LSM8: variants seen among roughly 807,000 people sequenced by gnomAD.
LSM8 encodes the protein LSM8 homolog, U6 small nuclear RNA associated, also known as LSM8 U6 small nuclear RNA associated.
A neutral mutation model predicts 15.0 loss-of-function variants in LSM8; 14 were observed. That is an observed-to-expected ratio of 0.93 (90% CI 0.62 to 1.46). LSM8 has a LOEUF of 1.46. LSM8 is among the 40% of genes most tolerant of loss of function. The pLI is 0.00. For synonymous variants in LSM8, 50 were observed against 42.1 expected (o/e 1.19, Z -0.73); for missense variants, 90 against 115.4 (o/e 0.78, Z 1.01).
At position 118,202,410 on chromosome 7, in the gene LSM8, T is replaced by A. The variant is rs2115947493; in HGVS notation, c.*10408T>A. Among the ~76,000 whole-genome samples the A allele has an allele frequency of 6.6e-6, 1 of 152,118 alleles. No individual in the cohort carries two copies. The highest frequency in any genetic ancestry group is 1.9e-4 in the East Asian group (1 of 5,180). ...GCACCTACTCAAAGAAGTGACCCAG[T>A]ACCCAGGCCACTATTTTCTCTTTGC... On this transcript the variant is annotated 3_prime_UTR_variant, in exon 4 of 4. Transcript: ENST00000249299.
rs1809163819 is a variant in LSM8 at position 118,200,976 on chromosome 7, T to C, written c.*8974T>C. 6.6e-6 allele frequency among the ~76,000 whole-genome samples: 1 copy of C among 152,112 alleles called. No individual in the cohort carries two copies. The highest frequency in any genetic ancestry group is 1.5e-5 in the Non-Finnish European group (1 of 68,000). ...TATTAGTATCTAAATTATATTAAAA[T>C]CTAATTTGGTAGCAATTGACTTGAA... On this transcript the variant is annotated 3_prime_UTR_variant, in exon 4 of 4. Coordinates refer to ENST00000249299, the MANE Select transcript of LSM8 (RefSeq NM_016200.5).
At position 118,191,751 on chromosome 7, in the gene LSM8, C is replaced by T. The variant is rs1029297045; in HGVS notation, c.201-161C>T. The T allele has an allele frequency of 7.0e-6, 4 of 573,732 alleles. No individual in the cohort carries two copies. The East Asian group carries it at 8.8e-5, about 13-fold the overall frequency. 35.5% of individuals were successfully genotyped at this position (573,732 alleles called of 1,614,324 possible). On this transcript the variant is annotated intron_variant, in intron 3 of 3. Transcript: ENST00000249299. The stretch of plus-strand genomic sequence containing the variant: ...CTTAAATATGCAGTTCACTGACTCA[C>T]GCCAATGTTGTTTGCTTTTTACCTT...
chr7:118,188,516 T>G lies in LSM8; in HGVS notation c.200+111T>G. On this transcript the variant is annotated intron_variant, in intron 3 of 3. Transcript: ENST00000249299. ...TGTCCATACATAGTTAATAGAATCT[T>G]GCATTCATTTCTTTCGTAAATATAC... The G allele has an allele frequency of 1.7e-5, 17 of 973,464 alleles. No homozygotes were observed. The South Asian group carries it at 3.5e-4, about 20-fold the overall frequency. The allele number at this position is 973,464 out of a possible 1,614,324, so 60.3% of individuals were successfully genotyped here. A position where few individuals can be genotyped will look rare whatever the true frequency, so the allele number is the denominator to read the frequency against.
rs932702252 is a variant in LSM8, at chr7:118,201,467, G to A, written c.*9465G>A. Among the ~76,000 whole-genome samples the A allele has an allele frequency of 3.3e-5, 5 of 151,924 alleles. No homozygotes were observed. Among genetic ancestry groups the A allele is most frequent in the East Asian group, 1.9e-4 (1 of 5,188 alleles). Reference sequence around the variant, plus strand: ...ACTTTTCACTTACATGAGCCAAAACGGTTCCTTTGCATCAATAAATCGCTC... The same window carrying A: ...ACTTTTCACTTACATGAGCCAAAACAGTTCCTTTGCATCAATAAATCGCTC... On this transcript the variant is annotated 3_prime_UTR_variant, in exon 4 of 4. Coordinates refer to ENST00000249299, the MANE Select transcript of LSM8 (RefSeq NM_016200.5).
intron 1 of LSM8, 88 bp from the exon 2 acceptor site, chr7:118,185,562 ATATT>A: frequency 1.1e-5 from 13 of 1,146,942 alleles, no homozygotes; most frequent in Non-Finnish European, 1.6e-5. Flanking sequence ...CCTAGTTGTC[ATATT>A]TATTCTAAAA....
Position 118,200,061 on chromosome 7 carries a change from C to T in LSM8, c.*8059C>T, listed in dbSNP as rs1262320808. On this transcript the variant is annotated 3_prime_UTR_variant, in exon 4 of 4. Transcript: ENST00000249299. ...TACCGAAGACATTTATCTGGAAATGCCTTCCCTAAGTGCCAACAGAGAATG... is the reference window on the plus strand; with the variant it reads ...TACCGAAGACATTTATCTGGAAATGTCTTCCCTAAGTGCCAACAGAGAATG... Among the ~76,000 whole-genome samples, 1 of 152,080 alleles carries T rather than the reference C, an allele frequency of 6.6e-6. No homozygotes were observed. The highest frequency in any genetic ancestry group is 6.6e-5 in the Admixed American group (1 of 15,242).
chr7:118,195,117 T>G lies in LSM8; in HGVS notation c.*3115T>G, dbSNP rs1475270753. ...CATTGTGGGCCGTTTTCATTACAAT[T>G]ACCTAAGGTGCTTTAAAAATTTTCT... On this transcript the variant is annotated 3_prime_UTR_variant, in exon 4 of 4. Transcript: ENST00000249299. Among the ~76,000 whole-genome samples the G allele has an allele frequency of 6.6e-6, 1 of 152,184 alleles. No individual in the cohort carries two copies. The highest frequency in any genetic ancestry group is 1.5e-5 in the Non-Finnish European group (1 of 68,018).
At position 118,193,096 on chromosome 7, in the gene LSM8, A is replaced by G. The variant is rs924383940; in HGVS notation, c.*1094A>G. ...TTGTTTTGTTTTTATGAAAGTGCTT[A>G]AAAATAGTAGTTGGCAAGCTTTTTC... On this transcript the variant is annotated 3_prime_UTR_variant, in exon 4 of 4. Transcript: ENST00000249299. Among the ~76,000 whole-genome samples, 3 of 152,152 alleles carry G rather than the reference A, an allele frequency of 2.0e-5. No individual in the cohort carries two copies. The highest frequency in any genetic ancestry group is 7.2e-5 in the African/African-American group (3 of 41,458).
chr7:118,188,175 C>G (rs973686383), intron 2 of LSM8, 103 bp from the exon 3 acceptor site: 2 of 1,303,918 alleles, frequency 1.5e-6, no homozygotes, highest in Non-Finnish European at 2.2e-6. Context: ...CGTATAGGTA[C>G]TTGTATTGGA....
chr7:118,189,150 C>G (rs1808934056), intron 3 of LSM8: 1 of 152,382 alleles, frequency 6.6e-6, no homozygotes, highest in East Asian at 1.9e-4. Context: ...GTTCCAGCTA[C>G]TTGGGAGGCT....
Position 118,197,508 on chromosome 7 carries a change from C to T in LSM8, c.*5506C>T, listed in dbSNP as rs933541404. On this transcript the variant is annotated 3_prime_UTR_variant, in exon 4 of 4. Coordinates refer to ENST00000249299, the MANE Select transcript of LSM8 (RefSeq NM_016200.5). ...AAACTCATTAACTGATACAAGTTGCCAGAAAATGCTGCACTATGGCTTATT... is the reference window on the plus strand; with the variant it reads ...AAACTCATTAACTGATACAAGTTGCTAGAAAATGCTGCACTATGGCTTATT... 7.9e-5 allele frequency among the ~76,000 whole-genome samples: 12 copies of T among 151,996 alleles called. No homozygotes were observed. The highest frequency in any genetic ancestry group is 2.4e-4 in the African/African-American group (10 of 41,364).
chr7:118,189,241 C>G (rs1052484894), intron 3 of LSM8: 1 of 148,568 alleles, frequency 6.7e-6, no homozygotes, highest in African/African-American at 2.5e-5. Context: ...GCCTGGGTGA[C>G]AGATTGAGAC....
intron 1 of LSM8, 33 bp from the exon 2 acceptor site, chr7:118,185,621 C>G: frequency 1.3e-6 from 2 of 1,573,780 alleles, no homozygotes; most frequent in Non-Finnish European, 1.7e-6. Flanking sequence ...ATTTGCATTC[C>G]CTAAGAAACA....
rs1418126069 is a variant in LSM8, at chr7:118,202,288, G to C, written c.*10286G>C. Among the ~76,000 whole-genome samples the C allele has an allele frequency of 6.6e-6, 1 of 151,984 alleles. No individual in the cohort carries two copies. On this transcript the variant is annotated 3_prime_UTR_variant, in exon 4 of 4. Transcript: ENST00000249299. ...GAATGGTATTTGGCTATAAGCACTG[G>C]AAACTCTGACTGCCAGTGGCTTTAA...
rs907573200 is a variant in LSM8, at chr7:118,203,119, T to A, written c.*11117T>A. Among the ~76,000 whole-genome samples, 2 of 151,908 alleles carry A rather than the reference T, an allele frequency of 1.3e-5. No individual in the cohort carries two copies. The highest frequency in any genetic ancestry group is 1.5e-5 in the Non-Finnish European group (1 of 67,902). The stretch of plus-strand genomic sequence containing the variant: ...CTATCCCAAGACATCAGAATATATA[T>A]TCTTTTTAAACATTTAATGAAAGGA... On this transcript the variant is annotated 3_prime_UTR_variant, in exon 4 of 4. Coordinates refer to ENST00000249299, the MANE Select transcript of LSM8 (RefSeq NM_016200.5).
At position 118,196,639 on chromosome 7, in the gene LSM8, T is replaced by C. The variant is rs1809081101; in HGVS notation, c.*4637T>C. ...TTTAACTCAATTTTTGTGTTAGTTT[T>C]TTGTTATGCCTTTTCATTTCCTTCT... On this transcript the variant is annotated 3_prime_UTR_variant, in exon 4 of 4. Coordinates refer to ENST00000249299, the MANE Select transcript of LSM8 (RefSeq NM_016200.5). Among the ~76,000 whole-genome samples, 1 of 151,536 alleles carries C rather than the reference T, an allele frequency of 6.6e-6. No homozygotes were observed. The highest frequency in any genetic ancestry group is 1.9e-4 in the East Asian group (1 of 5,192).
At position 118,193,730 on chromosome 7, in the gene LSM8, A is replaced by ATT. The variant is rs1442716455; in HGVS notation, c.*1728_*1729insTT. Among the ~76,000 whole-genome samples, 1 of 152,130 alleles carries ATT rather than the reference A, an allele frequency of 6.6e-6. No individual in the cohort carries two copies. Among genetic ancestry groups the ATT allele is most frequent in the Non-Finnish European group, 1.5e-5 (1 of 67,978 alleles). ...AATTGGTAAAGTAATTCCAAAAATT[A>ATT]AATAAGAATACACATTGTTCAGTTG... On this transcript the variant is annotated 3_prime_UTR_variant, in exon 4 of 4. Transcript: ENST00000249299.
In LSM8 at chr7:118,196,513, C is replaced by T. The variant is rs1400133202; in HGVS notation, c.*4511C>T. Among the ~76,000 whole-genome samples the T allele has an allele frequency of 6.7e-6, 1 of 150,356 alleles. No individual in the cohort carries two copies. The highest frequency in any genetic ancestry group is 1.5e-5 in the Non-Finnish European group (1 of 67,568). ...ATTTCTTTCATTAGTTAACAGTATG[C>T]CATCTCCTACTTACTGGCATCATCT... On this transcript the variant is annotated 3_prime_UTR_variant, in exon 4 of 4. Coordinates refer to ENST00000249299, the MANE Select transcript of LSM8 (RefSeq NM_016200.5).
In LSM8 at chr7:118,192,103, C is replaced by G. The variant is rs900033180; in HGVS notation, c.*101C>G. The G allele has an allele frequency of 1.4e-6, 1 of 719,650 alleles. No homozygotes were observed. Among genetic ancestry groups the G allele is most frequent in the African/African-American group, 1.8e-5 (1 of 54,702 alleles). The allele number at this position is 719,650 out of a possible 1,614,324, so 44.6% of individuals were successfully genotyped here. On this transcript the variant is annotated 3_prime_UTR_variant, in exon 4 of 4. Coordinates refer to ENST00000249299, the MANE Select transcript of LSM8 (RefSeq NM_016200.5). ...TTATGAGTGTGTCACTGGATTTTGA[C>G]TCCTTATTGATTCATTGTAATATGT...
Sources: gnomAD v4.1 joint callset for allele counts (sites outside exome capture counted in the v4.1 genomes callset) on GRCh38, gnomAD v4.1.1 for gene constraint, MANE v1.5 for transcripts, NCBI Gene and HGNC (gene_info 2026-07-23, HGNC 2026-07-21) for gene names.